The following IQCJ variants were observed in gnomAD, a reference collection of about 807,000 sequenced individuals.
IQCJ encodes IQ motif containing J, also known as IQ domain-containing protein J.
IQCJ carries 9 observed loss-of-function variants against 11.0 expected under a neutral mutation model. The observed-to-expected ratio is 0.82, with a 90% CI of 0.49 to 1.43. IQCJ has a LOEUF of 1.43. Ranked by LOEUF, IQCJ falls within the 40% of genes most tolerant of loss-of-function variation. IQCJ has a pLI of 0.00. For missense variants in IQCJ, 146 were observed against 133.2 expected (o/e 1.10, Z -0.47); for synonymous variants, 55 against 51.3 (o/e 1.07, Z -0.31).
intron 1 of IQCJ, among the ~76,000 whole-genome samples, chr3:159,167,407 T>C (rs958423348): frequency 1.2e-4 from 19 of 152,336 alleles, no homozygotes; most frequent in East Asian, 7.7e-4. Flanking sequence ...AGTCATAACA[T>C]TGCAGCTCAT....
intron 1 of IQCJ, among the ~76,000 whole-genome samples, chr3:159,200,409 C>T (rs1166496005): frequency 3.3e-5 from 5 of 152,114 alleles, no homozygotes; most frequent in African/African-American, 1.2e-4. Context: ...AGCCTGCTCC[C>T]TGGATTTCTT....
At chr3:159,071,050 G>A (rs1245321315) in intron 1 of IQCJ, among the ~76,000 whole-genome samples, 1 of 151,804 alleles carries the variant, frequency 6.6e-6, no homozygotes, top group Non-Finnish European at 1.5e-5. Context: ...ATATTATTAA[G>A]GTCAGTGTGA....
At chr3:159,154,177 A>G (rs1274526805) in intron 1 of IQCJ, among the ~76,000 whole-genome samples, 1 of 152,154 alleles carries the variant, frequency 6.6e-6, no homozygotes, top group African/African-American at 2.4e-5. Context: ...CACTGAGGGG[A>G]TGATAAAAAT....
chr3:159,133,619 T>C (rs1320642757), intron 1 of IQCJ, among the ~76,000 whole-genome samples: 2 of 152,160 alleles, frequency 1.3e-5, no homozygotes, highest in East Asian at 3.9e-4. Flanking sequence ...TTTGAGGGGC[T>C]TAAACGTGTG....
intron 1 of IQCJ, among the ~76,000 whole-genome samples, chr3:159,077,352 A>G (rs976902585): frequency 6.6e-6 from 1 of 152,184 alleles, no homozygotes; most frequent in Non-Finnish European, 1.5e-5. Context: ...TTTACTTATA[A>G]GAATTTTTCT....
At chr3:159,119,822 G>A (rs1415814880) in intron 1 of IQCJ, among the ~76,000 whole-genome samples, 1 of 152,138 alleles carries the variant, frequency 6.6e-6, no homozygotes, top group Non-Finnish European at 1.5e-5. Flanking sequence ...AGAGATGAGT[G>A]GGGCTTTGGG....
At chr3:159,227,479 G>A (rs1725925804) in intron 1 of IQCJ, among the ~76,000 whole-genome samples, 4 of 152,130 alleles carry the variant, frequency 2.6e-5, no homozygotes, top group Admixed American at 2.6e-4. Flanking sequence ...ACTGGGCTTT[G>A]TTCAAGTTAC....
intron 1 of IQCJ, among the ~76,000 whole-genome samples, chr3:159,232,729 C>T (rs974438811): frequency 1.4e-4 from 21 of 152,218 alleles, no homozygotes; most frequent in Admixed American, 1.4e-3. Flanking sequence ...CTGTAGATGT[C>T]TGTTAGTTCC....
intron 1 of IQCJ, among the ~76,000 whole-genome samples, chr3:159,130,417 C>T (rs1025164552): frequency 1.3e-5 from 2 of 152,084 alleles, no homozygotes; most frequent in African/African-American, 4.8e-5. Flanking sequence ...GTACCTAGAT[C>T]TCTAAGGGGC....
intron 1 of IQCJ, among the ~76,000 whole-genome samples, chr3:159,203,485 G>A (rs764110384): frequency 5.9e-5 from 9 of 151,730 alleles, no homozygotes; most frequent in East Asian, 1.9e-4. Context: ...TTTCCCAGCC[G>A]TCTACCCCAT....
intron 1 of IQCJ, among the ~76,000 whole-genome samples, chr3:159,105,681 G>T (rs143236353): frequency 1.1e-4 from 17 of 152,298 alleles, no homozygotes; most frequent in Admixed American, 2.6e-4. Context: ...GTGATCCAGA[G>T]AAAACACTGG....
intron 2 of IQCJ, among the ~76,000 whole-genome samples, chr3:159,251,524 TC>T (rs940284477): frequency 1.2e-4 from 19 of 152,004 alleles, no homozygotes; most frequent in Admixed American, 3.3e-4. Context: ...ATTTGGTGGG[TC>T]ACCACTGACC....
At chr3:159,216,710 G>C (rs984347403) in intron 1 of IQCJ, among the ~76,000 whole-genome samples, 1 of 152,006 alleles carries the variant, frequency 6.6e-6, no homozygotes. Context: ...TTCCCAAAAT[G>C]AGCTTGTAGA....
At chr3:159,078,860 C>A (rs1412552984) in intron 1 of IQCJ, among the ~76,000 whole-genome samples, 3 of 152,022 alleles carry the variant, frequency 2.0e-5, no homozygotes, top group East Asian at 3.9e-4. Context: ...ATAGCTTTAA[C>A]CTTCCATGGC....
intron 1 of IQCJ, among the ~76,000 whole-genome samples, chr3:159,188,146 C>T (rs912571036): frequency 6.6e-6 from 1 of 152,210 alleles, no homozygotes; most frequent in Non-Finnish European, 1.5e-5. Flanking sequence ...CGCTGTGGCT[C>T]ATGCCTGTAA....
intron 1 of IQCJ, among the ~76,000 whole-genome samples, chr3:159,233,327 T>C (rs1726379605): frequency 6.6e-6 from 1 of 152,138 alleles, no homozygotes; most frequent in Admixed American, 6.6e-5. Flanking sequence ...AGGAGTTGAC[T>C]GTCCTGATGA....
chr3:159,242,569 CTTT>C (rs35549315), intron 1 of IQCJ, among the ~76,000 whole-genome samples: 56 of 139,824 alleles, frequency 4.0e-4, no homozygotes, highest in Non-Finnish European at 5.1e-4. Flanking sequence ...CCAGCTGAAT[CTTT>C]TTTTTTTTTT....
intron 1 of IQCJ, among the ~76,000 whole-genome samples, chr3:159,081,891 T>C (rs563724063): frequency 6.6e-6 from 1 of 152,284 alleles, no homozygotes; most frequent in South Asian, 2.1e-4. Flanking sequence ...TAATAAATAA[T>C]CTGATCATCT....
At chr3:159,208,643 G>T (rs1326319486) in intron 1 of IQCJ, among the ~76,000 whole-genome samples, 1 of 152,082 alleles carries the variant, frequency 6.6e-6, no homozygotes, top group African/African-American at 2.4e-5. Context: ...TAATTGTGAG[G>T]GGTCTTTGGA....
Sources: allele counts gnomAD v4.1 joint callset (sites outside exome capture counted in the v4.1 genomes callset), GRCh38; gene constraint gnomAD v4.1.1; transcripts MANE v1.5; gene names NCBI Gene and HGNC (gene_info 2026-07-23, HGNC 2026-07-21).